Variants in BDKRB1 observed in about 807,000 individuals in gnomAD.
The protein encoded by BDKRB1 is bradykinin receptor B1.
For missense variants in BDKRB1, 414 were observed against 441.4 expected, an observed-to-expected ratio of 0.94 and a Z score of 0.56; for synonymous variants, 192 against 189.1, an observed-to-expected ratio of 1.02 and a Z score of -0.13.
chr14:96,258,230 A>G (rs1381799360), intron 1 of BDKRB1, among the ~76,000 whole-genome samples: 1 of 152,238 alleles, frequency 6.6e-6, no homozygotes. Flanking sequence ...TTCACATGCT[A>G]CAGTTTCTTG....
chr14:96,263,514 C>G (rs555718472), intron 2 of BDKRB1, among the ~76,000 whole-genome samples, 159 bp from the exon 3 acceptor site: 1 of 152,288 alleles, frequency 6.6e-6, no homozygotes, highest in East Asian at 1.9e-4. Flanking sequence ...CGCTCGACTC[C>G]CCCTTGTAGC....
At position 96,264,441 on chromosome 14, in the gene BDKRB1, C is replaced by T; in HGVS notation, c.759C>T (p.Leu253=). 3 of 1,614,216 alleles carry T rather than the reference C, an allele frequency of 1.9e-6. No homozygotes were observed. The Admixed American group carries it at 5.0e-5, about 27-fold the overall frequency. ...RKDSKTTALI[L]TLVVAFLVCW... ...ATAGCAAGACCACAGCGCTGATCCT[C>T]ACGCTCGTGGTTGCCTTCCTGGTCT... The change falls in exon 3 of 3, where the codon CTC becomes CTT. Residue 253 remains leucine, a synonymous_variant. Transcript: ENST00000216629.
intron 1 of BDKRB1, among the ~76,000 whole-genome samples, chr14:96,257,238 A>G (rs1885636902): frequency 6.6e-6 from 1 of 152,174 alleles, no homozygotes; most frequent in Non-Finnish European, 1.5e-5. Flanking sequence ...TGACCTAATC[A>G]GGTTCGAGCT....
At chr14:96,260,955 T>C (rs1885734537) in intron 1 of BDKRB1, among the ~76,000 whole-genome samples, 2 of 152,116 alleles carry the variant, frequency 1.3e-5, no homozygotes, top group Admixed American at 6.5e-5. Flanking sequence ...ACCTTAACAA[T>C]TCCAAAGTTG....
rs1048638161 is a variant in BDKRB1, at chr14:96,264,714, A to G, written c.1032A>G (p.Lys344=). The G allele has an allele frequency of 6.2e-7, 1 of 1,608,596 alleles. No homozygotes were observed. The highest frequency in any genetic ancestry group is 1.3e-5 in the African/African-American group (1 of 74,492). Residue 344 remains lysine (K), a synonymous_variant, in exon 3 of 3, where the codon AAA becomes AAG. Transcript: ENST00000216629. ...SLAPISSSHR[K]EIFQLFWRN is the part of the protein sequence containing the mutation. ...CTCCAATATCTTCATCCCATAGGAAAGAAATCTTCCAACTTTTCTGGCGGA... is the reference window on the plus strand; with the variant it reads ...CTCCAATATCTTCATCCCATAGGAAGGAAATCTTCCAACTTTTCTGGCGGA...
In BDKRB1 at chr14:96,263,904, C is replaced by A. The variant is rs187640068; in HGVS notation, c.222C>A (p.Ile74=). ...LPRRQLNVAE[I]YLANLAASDL... is the part of the protein sequence containing the mutation. ...GGCGGCAACTGAACGTGGCAGAAAT[C>A]TACCTGGCCAACCTGGCAGCCTCTG... Residue 74 remains isoleucine, a synonymous_variant, in exon 3 of 3, where the codon ATC becomes ATA. Coordinates refer to ENST00000216629, the MANE Select transcript of BDKRB1 (RefSeq NM_000710.4). The A allele has an allele frequency of 6.2e-7, 1 of 1,614,232 alleles. No individual in the cohort carries two copies. The highest frequency in any genetic ancestry group is 1.3e-5 in the African/African-American group (1 of 75,070).
Position 96,264,407 on chromosome 14 carries a change from G to T in BDKRB1, c.725G>T (p.Gly242Val), listed in dbSNP as rs752244721. The change falls in exon 3 of 3, where the codon GGC becomes GTC. Residue 242 changes from glycine (G) to valine (V), a missense_variant. Gly to Val is a moderately radical substitution (Grantham distance 109). Transcript: ENST00000216629. ...REEVSRTRCG[G>V]RKDSKTTALI... ...GAGGTCAGCAGGACAAGGTGCGGGG[G>T]CCGCAAGGATAGCAAGACCACAGCG... is the stretch of plus-strand genomic sequence containing the variant. The T allele has an allele frequency of 6.2e-7, 1 of 1,614,194 alleles. No homozygotes were observed. Among genetic ancestry groups the T allele is most frequent in the South Asian group, 1.1e-5 (1 of 91,090 alleles).
rs1595276392 is a variant in BDKRB1 at position 96,263,658 on chromosome 14, T to G, written c.-10-15T>G. 6.3e-7 allele frequency: 1 copy of G among 1,591,682 alleles called. No homozygotes were observed. The highest frequency in any genetic ancestry group is 2.2e-5 in the East Asian group (1 of 44,640). ...CTGCCACTTCCTGTTTTATTCTACCTTCTGTTCATTTCAGGTCACTGTGCA... is the reference window on the plus strand; with the variant it reads ...CTGCCACTTCCTGTTTTATTCTACCGTCTGTTCATTTCAGGTCACTGTGCA... On this transcript the variant is annotated splice_polypyrimidine_tract_variant and intron_variant, in intron 2 of 2. Transcript: ENST00000216629.
At chr14:96,258,481 T>A (rs907625895) in intron 1 of BDKRB1, among the ~76,000 whole-genome samples, 2 of 152,256 alleles carry the variant, frequency 1.3e-5, no homozygotes, top group African/African-American at 4.8e-5. Context: ...AGGCAGAGGC[T>A]GTTCTCAAGT....
intron 1 of BDKRB1, 122 bp downstream of exon 1, chr14:96,256,422 C>G (rs1885619943): frequency 6.6e-6 from 1 of 152,104 alleles, no homozygotes; most frequent in Non-Finnish European, 1.5e-5. Flanking sequence ...TTTTCCACTT[C>G]TGTGAGGGTA....
In BDKRB1 at chr14:96,264,134, G is replaced by T. The variant is rs202074453; in HGVS notation, c.452G>T (p.Arg151Leu). Residue 151 changes from arginine (R) to leucine (L), a missense_variant, in exon 3 of 3, where the codon CGG becomes CTG. Transcript: ENST00000216629. Reference protein sequence around the residue: ...HPMASRRQQRRRQARVTCVLI... With the variant: ...HPMASRRQQRLRQARVTCVLI... Reference sequence around the variant, plus strand: ...ATGGCCAGCCGGAGGCAGCAGCGGCGGAGGCAGGCCCGGGTCACCTGCGTG... The same window carrying T: ...ATGGCCAGCCGGAGGCAGCAGCGGCTGAGGCAGGCCCGGGTCACCTGCGTG... The T allele has an allele frequency of 6.3e-7, 1 of 1,595,496 alleles. No homozygotes were observed. Among genetic ancestry groups the T allele is most frequent in the African/African-American group, 1.3e-5 (1 of 74,632 alleles).
At position 96,262,715 on chromosome 14, in the gene BDKRB1, C is replaced by T; in HGVS notation, c.-66C>T. On this transcript the variant is annotated 5_prime_UTR_variant, in exon 2 of 3. Coordinates refer to ENST00000216629, the MANE Select transcript of BDKRB1 (RefSeq NM_000710.4). ...CAATCATAGCTCGCTGCAGCCTCGA[C>T]CTTCCAGGCTTAAACGATTCTCCCA... is the stretch of plus-strand genomic sequence containing the variant. The T allele has an allele frequency of 2.2e-6, 1 of 446,784 alleles. No homozygotes were observed. The highest frequency in any genetic ancestry group is 4.4e-6 in the Non-Finnish European group (1 of 224,880). The allele number at this position is 446,784 out of a possible 1,614,324, so 27.7% of individuals were successfully genotyped here. A position where few individuals can be genotyped will look rare whatever the true frequency, so the allele number is the denominator to read the frequency against.
intron 2 of BDKRB1, 113 bp from the exon 3 acceptor site, chr14:96,263,560 G>T (rs955743251): frequency 2.6e-6 from 3 of 1,144,628 alleles, no homozygotes; most frequent in Non-Finnish European, 3.6e-6. Context: ...CCAGGAATGG[G>T]TGTGGCTCTG....
rs959561449 is a variant in BDKRB1 at position 96,263,916 on chromosome 14, C to A, written c.234C>A (p.Asn78Lys). 2 of 1,614,250 alleles carry A rather than the reference C, an allele frequency of 1.2e-6. No individual in the cohort carries two copies. The highest frequency in any genetic ancestry group is 1.7e-6 in the Non-Finnish European group (2 of 1,180,050). Residue 78 changes from asparagine (N) to lysine (K), a missense_variant, in exon 3 of 3, where the codon AAC (asparagine) becomes AAA (lysine). Physicochemically the swap from Asn to Lys is moderately conservative, Grantham distance 94 (BLOSUM62 0). Transcript: ENST00000216629. ...QLNVAEIYLA[N>K]LAASDLVFVL... The stretch of plus-strand genomic sequence containing the variant: ...ACGTGGCAGAAATCTACCTGGCCAA[C>A]CTGGCAGCCTCTGATCTGGTGTTTG...
intron 1 of BDKRB1, among the ~76,000 whole-genome samples, chr14:96,257,051 A>G (rs1885632318): frequency 6.6e-6 from 1 of 152,242 alleles, no homozygotes; most frequent in African/African-American, 2.4e-5. Flanking sequence ...GGCAAATATC[A>G]GAGCTAAAGC....
chr14:96,259,309 A>G (rs1000652713), intron 1 of BDKRB1: 1 of 152,246 alleles, frequency 6.6e-6, no homozygotes, highest in African/African-American at 2.4e-5. Flanking sequence ...TAATGGGAAA[A>G]TAAAAGAGAA....
rs144772148 is a variant in BDKRB1, at chr14:96,264,086, G to A, written c.404G>A (p.Arg135His). Residue 135 changes from arginine to histidine, a missense_variant, in exon 3 of 3, where the codon CGC becomes CAC. Transcript: ENST00000216629. ...CTGGTGGTGGCCATCAGCCAGGACCGCTACCGCGTGCTGGTGCACCCTATG... is the reference window on the plus strand; with the variant it reads ...CTGGTGGTGGCCATCAGCCAGGACCACTACCGCGTGCTGGTGCACCCTATG... ...IFLVVAISQD[R>H]YRVLVHPMAS... 8.1e-6 allele frequency: 13 copies of A among 1,605,090 alleles called. No individual in the cohort carries two copies. The highest frequency in any genetic ancestry group is 8.0e-5 in the African/African-American group (6 of 74,842).
chr14:96,261,418 G>A (rs766124050), intron 1 of BDKRB1, among the ~76,000 whole-genome samples: 8 of 152,164 alleles, frequency 5.3e-5, no homozygotes, highest in Non-Finnish European at 1.0e-4. Context: ...ATTATACCCC[G>A]GTGTGAATAA....
At position 96,263,854 on chromosome 14, in the gene BDKRB1, G is replaced by C; in HGVS notation, c.172G>C (p.Val58Leu). The C allele has an allele frequency of 1.2e-6, 2 of 1,614,126 alleles. No individual in the cohort carries two copies. Among genetic ancestry groups the C allele is most frequent in the Non-Finnish European group, 1.7e-6 (2 of 1,180,008 alleles). ...CFFGLLGNLFVLLVFLLPRRQ... is the reference protein window; with the variant it reads ...CFFGLLGNLFLLLVFLLPRRQ... ...CTTCGGCCTCCTAGGGAACCTTTTT[G>C]TCCTGTTGGTCTTCCTCCTGCCCCG... The change falls in exon 3 of 3, where the codon GTC becomes CTC. Residue 58 changes from valine to leucine, a missense_variant. Coordinates refer to ENST00000216629, the MANE Select transcript of BDKRB1 (RefSeq NM_000710.4).
Sources: allele counts gnomAD v4.1 joint callset (sites outside exome capture counted in the v4.1 genomes callset), GRCh38; gene constraint gnomAD v4.1.1; transcripts MANE v1.5; gene names NCBI Gene and HGNC (gene_info 2026-07-23, HGNC 2026-07-21).